FOXP1: variants seen among roughly 807,000 people sequenced by gnomAD.
FOXP1 encodes forkhead box P1.
Under a neutral mutation model 98.2 loss-of-function variants are expected in FOXP1, and 15 were observed. The ratio of observed to expected loss-of-function variants is 0.15; its 90% CI spans 0.10 to 0.24. The LOEUF is 0.24. Among genes scored for constraint, FOXP1 ranks in the 10% least tolerant of loss-of-function variants. The probability of loss-of-function intolerance (pLI) is 1.00; values close to 1 mark genes in which losing one functional copy is unlikely to be tolerated. For missense variants in FOXP1, 633 were observed against 848.5 expected, an observed-to-expected ratio of 0.75 and a Z score of 3.15; for synonymous variants, 371 against 314.5, an observed-to-expected ratio of 1.18 and a Z score of -1.90.
intron 6 of FOXP1, among the ~76,000 whole-genome samples, chr3:71,171,227 T>G (rs2061638632): frequency 6.6e-6 from 1 of 152,134 alleles, no homozygotes; most frequent in Non-Finnish European, 1.5e-5. Context: ...TTTGAGGGGT[T>G]AAATATGCAA....
intron 20 of FOXP1, among the ~76,000 whole-genome samples, chr3:70,964,753 C>T (rs1467469500): frequency 2.0e-5 from 3 of 152,136 alleles, no homozygotes; most frequent in Non-Finnish European, 4.4e-5. Flanking sequence ...ATGATTATTT[C>T]CATATCCAGA....
intron 14 of FOXP1, among the ~76,000 whole-genome samples, chr3:70,986,014 G>C (rs1016118094): frequency 2.0e-5 from 3 of 152,230 alleles, no homozygotes; most frequent in African/African-American, 7.2e-5. Context: ...GAGCTACTAA[G>C]AGATAATGTT....
At chr3:71,548,813 T>C (rs1347909786) in intron 2 of FOXP1, among the ~76,000 whole-genome samples, 1 of 151,448 alleles carries the variant, frequency 6.6e-6, no homozygotes, top group Non-Finnish European at 1.5e-5. Flanking sequence ...ACAAAGCTAA[T>C]ACTAATAAGA....
chr3:71,523,740 C>T (rs2043161311), intron 2 of FOXP1, among the ~76,000 whole-genome samples: 1 of 152,072 alleles, frequency 6.6e-6, no homozygotes, highest in Non-Finnish European at 1.5e-5. Flanking sequence ...TGAGATAAGG[C>T]ATGGATACAG....
chr3:71,222,155 A>AAAACAAAC (rs1011910221), intron 5 of FOXP1, among the ~76,000 whole-genome samples: 1 of 152,066 alleles, frequency 6.6e-6, no homozygotes, highest in Non-Finnish European at 1.5e-5. Flanking sequence ...CCGTATCAAA[A>AAAACAAAC]AAACAAACAA....
At chr3:70,992,569 C>A (rs374519718) in intron 13 of FOXP1, among the ~76,000 whole-genome samples, 15 of 152,260 alleles carry the variant, frequency 9.9e-5, no homozygotes, top group Non-Finnish European at 1.8e-4. Context: ...TAAATGAGTT[C>A]TTTCACACCA....
At position 71,027,068 on chromosome 3, in the gene FOXP1, C is replaced by G. The variant is rs540462405; in HGVS notation, c.870-11415G>C. Among the ~76,000 whole-genome samples, 5 of 152,270 alleles carry G rather than the reference C, an allele frequency of 3.3e-5. No homozygotes were observed. The South Asian group carries it at 1.0e-3, about 32-fold the overall frequency. ...GGGATCTCGTTAAGAAAACAGAATGCTTTCCAAAAAGTGGTGTGAGCAACT... is the reference window on the plus strand; with the variant it reads ...GGGATCTCGTTAAGAAAACAGAATGGTTTCCAAAAAGTGGTGTGAGCAACT... On this transcript the variant is annotated intron_variant, in intron 11 of 20. Coordinates refer to ENST00000649528, the MANE Select transcript of FOXP1 (RefSeq NM_001349338.3).
intron 3 of FOXP1, among the ~76,000 whole-genome samples, chr3:71,486,608 A>C (rs367738771): frequency 6.6e-6 from 1 of 152,256 alleles, no homozygotes; most frequent in East Asian, 1.9e-4. Flanking sequence ...AATAATATGC[A>C]ACATATTGAA....
intron 3 of FOXP1, among the ~76,000 whole-genome samples, chr3:71,414,767 T>C (rs897912348): frequency 1.4e-4 from 22 of 152,172 alleles, no homozygotes; most frequent in African/African-American, 5.1e-4. Context: ...CCATGGGTGA[T>C]GACTAAAAAG....
intron 3 of FOXP1, among the ~76,000 whole-genome samples, chr3:71,472,861 C>CT (rs772770774): frequency 1.3e-5 from 2 of 152,194 alleles, no homozygotes; most frequent in Non-Finnish European, 2.9e-5. Flanking sequence ...TTATGGTGTG[C>CT]TCCAACCACA....
intron 5 of FOXP1, among the ~76,000 whole-genome samples, chr3:71,282,405 ATTAATAATAAAGATTAT>A (rs1175253530): frequency 3.9e-5 from 6 of 151,942 alleles, no homozygotes. Context: ...TGAATTTTTA[ATTAATAATAAAGATTAT>A]TAACCTCCTT....
intron 4 of FOXP1, among the ~76,000 whole-genome samples, chr3:71,321,723 G>A (rs530226359): frequency 3.4e-4 from 52 of 151,904 alleles, no homozygotes; most frequent in African/African-American, 1.2e-3. Context: ...CCAGGTTCAA[G>A]TAACTCTCCT....
intron 9 of FOXP1, among the ~76,000 whole-genome samples, chr3:71,051,880 A>G (rs2049943572): frequency 6.6e-6 from 1 of 152,156 alleles, no homozygotes; most frequent in South Asian, 2.1e-4. Context: ...ATAATGTGAT[A>G]AGTTATGGAC....
At chr3:71,500,995 C>G (rs1388057869) in intron 2 of FOXP1, among the ~76,000 whole-genome samples, 1 of 152,106 alleles carries the variant, frequency 6.6e-6, no homozygotes, top group African/African-American at 2.4e-5. Flanking sequence ...AATTCAAGAC[C>G]AGCCTGGCCA....
upstream of FOXP1, chr3:71,583,798 C>G (rs2048383220): frequency 6.1e-6 from 6 of 987,176 alleles, no homozygotes; most frequent in Non-Finnish European, 7.2e-6. Flanking sequence ...GGAGCCCAGC[C>G]AGCGCCGGTG....
At chr3:71,333,882 G>C (rs1405082256) in intron 4 of FOXP1, 2 of 151,732 alleles carry the variant, frequency 1.3e-5, no homozygotes, top group Non-Finnish European at 2.9e-5. Flanking sequence ...GAATTCGACT[G>C]GCTGAGAAAT....
chr3:71,297,676 T>C (rs1470841409), intron 5 of FOXP1, among the ~76,000 whole-genome samples: 7 of 148,208 alleles, frequency 4.7e-5, no homozygotes, highest in African/African-American at 1.7e-4. Context: ...AGAACAGTGG[T>C]GCGATCTCAG....
chr3:71,198,943 G>T (rs1000918577), intron 5 of FOXP1, among the ~76,000 whole-genome samples: 1 of 151,914 alleles, frequency 6.6e-6, no homozygotes, highest in Non-Finnish European at 1.5e-5. Flanking sequence ...TGATCCACCC[G>T]CCTCGGCCTC....
rs543947594 is a variant in FOXP1 at position 71,247,715 on chromosome 3, G to T, written c.-11-49323C>A. ...TGACACTAGCCTGATTTTTCTTTTGGGGAAACGCCCATTCTCCACTCTCAG... is the reference window on the plus strand; with the variant it reads ...TGACACTAGCCTGATTTTTCTTTTGTGGAAACGCCCATTCTCCACTCTCAG... On this transcript the variant is annotated intron_variant, in intron 5 of 20. Coordinates refer to ENST00000649528, the MANE Select transcript of FOXP1 (RefSeq NM_001349338.3). 1.7e-4 allele frequency among the ~76,000 whole-genome samples: 26 copies of T among 152,178 alleles called. No homozygotes were observed. In the South Asian group the frequency reaches 5.4e-3, roughly 32 times the overall value.
Sources: gnomAD v4.1 joint callset for allele counts (sites outside exome capture counted in the v4.1 genomes callset) on GRCh38, gnomAD v4.1.1 for gene constraint, MANE v1.5 for transcripts, NCBI Gene and HGNC (gene_info 2026-07-23, HGNC 2026-07-21) for gene names.